The following OTOG variants were observed in gnomAD, a reference collection of about 807,000 sequenced individuals.
OTOG encodes otogelin.
A neutral mutation model predicts 313.8 loss-of-function variants in OTOG; 296 were observed. The observed-to-expected ratio is 0.94, with a 90% CI of 0.86 to 1.04. The LOEUF (loss-of-function observed/expected upper bound fraction) is 1.04. Ranked by LOEUF, OTOG falls within the 50% of genes least tolerant of loss-of-function variation. The probability of loss-of-function intolerance (pLI) is 0.00; values close to 1 mark genes in which losing one functional copy is unlikely to be tolerated. For missense variants in OTOG, 3,948 were observed against 3,840.1 expected, an observed-to-expected ratio of 1.03 and a Z score of -0.74; for synonymous variants, 1,533 against 1,554.9, an observed-to-expected ratio of 0.99 and a Z score of 0.33.
In OTOG at chr11:17,557,290, G is replaced by A. The variant is rs1454914686; in HGVS notation, c.832G>A (p.Ala278Thr). 3.2e-6 allele frequency: 5 copies of A among 1,550,482 alleles called. No individual in the cohort carries two copies. The highest frequency in any genetic ancestry group is 2.7e-5 in the African/African-American group (2 of 73,006). The change falls in exon 8 of 56, where the codon GCT becomes ACT. Residue 278 changes from alanine to threonine, a missense_variant. By Grantham distance (58) the Ala-to-Thr change is moderately conservative. Transcript: ENST00000399397. The part of the protein sequence containing the change: ...WTHGLCGNNN[A>T]DPKDDLVTSS... ...CCATGGGCTGTGTGGGAACAACAATGCTGACCCCAAGGATGATCTGGTGAC... is the reference window on the plus strand; with the variant it reads ...CCATGGGCTGTGTGGGAACAACAATACTGACCCCAAGGATGATCTGGTGAC...
At chr11:17,563,861 T>G (rs189434313) in intron 15 of OTOG, among the ~76,000 whole-genome samples, 6,902 of 147,900 alleles carry the variant, frequency 0.047, 228 homozygotes, top group Non-Finnish European at 0.062. Context: ...TTGGTTTTTT[T>G]TTTTTTTTTT....
At position 17,560,719 on chromosome 11, in the gene OTOG, C is replaced by A. The variant is rs189947237; in HGVS notation, c.1353C>A (p.Phe451Leu). The change falls in exon 13 of 56, where the codon TTC becomes TTA. Residue 451 changes from phenylalanine to leucine, a missense_variant. By Grantham distance (22) the Phe-to-Leu change is conservative. Transcript: ENST00000399397. ...DGCYCPNGLI[F>L]EDGGCVAPAE... ...TTGCTGTCACTCTAGGGCTCATCTTCGAGGATGGGGGCTGCGTGGCACCAG... is the reference window on the plus strand; with the variant it reads ...TTGCTGTCACTCTAGGGCTCATCTTAGAGGATGGGGGCTGCGTGGCACCAG... The A allele has an allele frequency of 1.7e-4, 269 of 1,550,424 alleles. 3 individuals carry two copies. In the East Asian group the frequency reaches 5.0e-3, roughly 29 times the overall value.
chr11:17,642,516 A>G (rs1232403291), intron 53 of OTOG, among the ~76,000 whole-genome samples: 1 of 152,234 alleles, frequency 6.6e-6, no homozygotes, highest in African/African-American at 2.4e-5. Flanking sequence ...AGACACCAAC[A>G]CAGGTCACCA....
intron 35 of OTOG, 32 bp downstream of exon 35, chr11:17,609,241 A>G: frequency 1.3e-6 from 2 of 1,534,942 alleles, no homozygotes; most frequent in Non-Finnish European, 1.8e-6. Context: ...TCCTTCCCTC[A>G]GATTTCCTCT....
chr11:17,561,020 C>T (rs1659841739), intron 13 of OTOG, 71 bp from the exon 14 acceptor site: 3 of 1,498,454 alleles, frequency 2.0e-6, no homozygotes, highest in African/African-American at 1.4e-5. Context: ...GGCTGTGGGC[C>T]CTGCAGTTTC....
chr11:17,583,493 T>G (rs2214945), intron 23 of OTOG, among the ~76,000 whole-genome samples: 67,448 of 151,956 alleles, frequency 0.44, 16,126 homozygotes, highest in African/African-American at 0.63. Flanking sequence ...TACACATGTT[T>G]CAAAATGGAG....
Position 17,572,984 on chromosome 11 carries a change from C to T in OTOG, c.2081-94C>T, listed in dbSNP as rs1219507352. On this transcript the variant is annotated intron_variant, in intron 18 of 55. Transcript: ENST00000399397. ...TCCGTACAGCGTGTGCACACACACACACCCCTGAGCCATGGGGAGGGAGAG... is the reference window on the plus strand; with the variant it reads ...TCCGTACAGCGTGTGCACACACACATACCCCTGAGCCATGGGGAGGGAGAG... 8 of 1,198,620 alleles carry T rather than the reference C, an allele frequency of 6.7e-6. No homozygotes were observed. The African/African-American group carries it at 1.2e-4, about 18-fold the overall frequency. 74.2% of individuals were successfully genotyped at this position (1,198,620 alleles called of 1,614,324 possible).
chr11:17,591,484 C>T lies in OTOG; in HGVS notation c.2902C>T (p.His968Tyr). ...CQRGSFQCTL[H>Y]PCASTCTAYG... ...GCGGGGCTCATTCCAGTGCACCCTG[C>T]ACCCTTGCGCCTCCACCTGCACTGC... The change falls in exon 25 of 56, where the codon CAC (histidine) becomes TAC (tyrosine). Residue 968 changes from histidine (H) to tyrosine (Y), a missense_variant. By Grantham distance (83) the His-to-Tyr change is moderately conservative (BLOSUM62 2). Coordinates refer to ENST00000399397, the MANE Select transcript of OTOG (RefSeq NM_001292063.2). 1 of 1,550,716 alleles carries T rather than the reference C, an allele frequency of 6.4e-7. No homozygotes were observed. The highest frequency in any genetic ancestry group is 8.7e-7 in the Non-Finnish European group (1 of 1,147,016).
intron 15 of OTOG, among the ~76,000 whole-genome samples, chr11:17,562,391 G>A (rs921140206): frequency 2.0e-5 from 3 of 151,864 alleles, no homozygotes; most frequent in Admixed American, 1.3e-4. Flanking sequence ...AAAGTACACC[G>A]TTTTTCACTG....
At chr11:17,613,175 TTTCTTTCTTTCTTTCTTTC>T (rs1415300015) in intron 38 of OTOG, among the ~76,000 whole-genome samples, 1 of 98,894 alleles carries the variant, frequency 1.0e-5, no homozygotes, top group African/African-American at 5.1e-5. Flanking sequence ...CTCCCTTTTC[TTTCTTTCTTTCTTTCTTTC>T]TTTTCTTTCT....
rs1284819397 is a variant in OTOG, at chr11:17,593,746, C to T, written c.3278C>T (p.Pro1093Leu). 2 of 1,548,498 alleles carry T rather than the reference C, an allele frequency of 1.3e-6. No individual in the cohort carries two copies. Among genetic ancestry groups the T allele is most frequent in the Admixed American group, 3.9e-5 (2 of 51,008 alleles). Reference protein sequence around the residue: ...QRTTVHVQAGPQWQGQLAGLC... With the variant: ...QRTTVHVQAGLQWQGQLAGLC... ...ACCACAGTGCACGTCCAGGCTGGGC[C>T]TCAGTGGCAGGTACTTACATGAGCA... Residue 1093 changes from proline (P) to leucine (L), a missense_variant, in exon 27 of 56, where the codon CCT becomes CTT. By Grantham distance (98) the Pro-to-Leu change is moderately conservative (BLOSUM62 -3). Transcript: ENST00000399397.
At chr11:17,571,776 C>T (rs112213712) in intron 17 of OTOG, among the ~76,000 whole-genome samples, 74 of 151,492 alleles carry the variant, frequency 4.9e-4, no homozygotes, top group Non-Finnish European at 7.5e-4. Flanking sequence ...TGTGTGTGTG[C>T]GTGCGCGCAC....
intron 18 of OTOG, among the ~76,000 whole-genome samples, chr11:17,572,499 G>A (rs561633312): frequency 6.6e-6 from 1 of 151,860 alleles, no homozygotes; most frequent in Admixed American, 6.6e-5. Context: ...CTCTGCCCAT[G>A]CCCCCCTTCT....
Position 17,563,195 on chromosome 11 carries a change from G to A in OTOG, c.1644+1388G>A, listed in dbSNP as rs78499456. Among the ~76,000 whole-genome samples the A allele has an allele frequency of 1.4e-3, 209 of 152,316 alleles. 4 individuals carry two copies. The East Asian group carries it at 0.032, about 23-fold the overall frequency. ...TTGTTTGTCTCTCAGCGGAGACTCC[G>A]TTGTCCCTGGGTTGATCATGCTCAG... On this transcript the variant is annotated intron_variant, in intron 15 of 55. Transcript: ENST00000399397.
chr11:17,618,002 T>G (rs1853767475), intron 39 of OTOG, among the ~76,000 whole-genome samples: 1 of 151,966 alleles, frequency 6.6e-6, no homozygotes, highest in Non-Finnish European at 1.5e-5. Context: ...AAGCTCTGCC[T>G]CCCTGGTTCA....
intron 29 of OTOG, 132 bp from the exon 30 acceptor site, chr11:17,596,719 C>A: frequency 1.3e-6 from 1 of 758,992 alleles, no homozygotes; most frequent in Non-Finnish European, 2.1e-6. Flanking sequence ...TCTCCCTTCA[C>A]ACCTCATGAG....
chr11:17,613,241 TTCTTTCTTTCTTTCTTTCTTTCTTTC>T (rs1853629592), intron 38 of OTOG, among the ~76,000 whole-genome samples: 9 of 122,428 alleles, frequency 7.4e-5, no homozygotes, highest in African/African-American at 3.3e-4. Flanking sequence ...CTTTCTTTCT[TTCTTTCTTTCTTTCTTTCTTTCTTTC>T]TCTCTCTGTC....
At chr11:17,582,418 T>C (rs1852691103) in intron 23 of OTOG, among the ~76,000 whole-genome samples, 2 of 152,218 alleles carry the variant, frequency 1.3e-5, no homozygotes, top group Non-Finnish European at 1.5e-5. Context: ...CAAGCATTGA[T>C]GGACATTTGG....
In OTOG at chr11:17,578,426, G is replaced by A. The variant is rs552431722; in HGVS notation, c.2659G>A (p.Asp887Asn). 1 of 1,541,424 alleles carries A rather than the reference G, an allele frequency of 6.5e-7. No homozygotes were observed. Among genetic ancestry groups the A allele is most frequent in the Admixed American group, 2.0e-5 (1 of 50,988 alleles). Residue 887 changes from aspartate to asparagine, a missense_variant, in exon 23 of 56, where the codon GAC becomes AAC. Transcript: ENST00000399397. The stretch of plus-strand genomic sequence containing the variant: ...CGTGAACTGCAGCGACCTGCACACG[G>A]ACCTGGAGCTGAGCAGGGAGAGGAC... ...VFVNCSDLHTDLELSRERTCE... is the reference protein window; with the variant it reads ...VFVNCSDLHTNLELSRERTCE...
Sources: gnomAD v4.1 joint callset for allele counts (sites outside exome capture counted in the v4.1 genomes callset) on GRCh38, gnomAD v4.1.1 for gene constraint, MANE v1.5 for transcripts, NCBI Gene and HGNC (gene_info 2026-07-23, HGNC 2026-07-21) for gene names.